Variants in UCHL5 observed in about 807,000 individuals in gnomAD.
UCHL5 encodes ubiquitin C-terminal hydrolase L5, also known as ubiquitin carboxyl-terminal hydrolase isozyme L5.
UCHL5 carries 34 observed loss-of-function variants against 53.8 expected under a neutral mutation model. The observed-to-expected ratio is 0.63, with a 90% CI of 0.48 to 0.84. The LOEUF (loss-of-function observed/expected upper bound fraction) is 0.84. UCHL5 is among the 40% of genes least tolerant of loss of function. The pLI is 0.00. For synonymous variants in UCHL5, 111 were observed against 126.3 expected (o/e 0.88, Z 0.81); for missense variants, 290 against 385.6 (o/e 0.75, Z 2.08).
intron 7 of UCHL5, 108 bp from the exon 8 acceptor site, chr1:193,024,054 T>C: frequency 1.2e-6 from 1 of 804,270 alleles, no homozygotes; most frequent in Non-Finnish European, 1.9e-6. Flanking sequence ...TAAACAAAAG[T>C]CTATCAATTG....
intron 1 of UCHL5, among the ~76,000 whole-genome samples, chr1:193,054,419 T>C (rs377624705): frequency 1.4e-4 from 21 of 152,108 alleles, no homozygotes; most frequent in African/African-American, 4.8e-4. Context: ...CAAAAAACAC[T>C]CCCATATGTC....
intron 3 of UCHL5, 37 bp from the exon 4 acceptor site, chr1:193,029,694 A>G (rs1356392677): frequency 6.6e-7 from 1 of 1,512,878 alleles, no homozygotes. Context: ...AATGTGTTTA[A>G]AAAAATAAAA....
rs200951342 is a variant in UCHL5, at chr1:193,043,151, T to TAAAAAAAAAAAAAAAAA, written c.246+6578_246+6594dup. ...TGGAGCCTTGACAGCTCTTGAATATTAAAAAAAAAAAAAAAAAAAAAAAAA... is the reference window on the plus strand; with the variant it reads ...TGGAGCCTTGACAGCTCTTGAATATTAAAAAAAAAAAAAAAAAAAAAAAAAAAAAAAAAAAAAAAAAA... On this transcript the variant is annotated intron_variant, in intron 3 of 10. Coordinates refer to ENST00000367454, the MANE Select transcript of UCHL5 (RefSeq NM_001199261.3). Among the ~76,000 whole-genome samples, 23 of 36,368 alleles carry TAAAAAAAAAAAAAAAAA rather than the reference T, an allele frequency of 6.3e-4. 1 individual carries two copies. Among genetic ancestry groups the TAAAAAAAAAAAAAAAAA allele is most frequent in the African/African-American group, 1.7e-3 (21 of 12,058 alleles). The allele number at this position is 36,368 out of a possible 152,430, so 23.9% of individuals were successfully genotyped here.
chr1:193,027,610 G>C (rs1410710626), intron 7 of UCHL5, among the ~76,000 whole-genome samples: 2 of 152,212 alleles, frequency 1.3e-5, no homozygotes, highest in East Asian at 3.9e-4. Flanking sequence ...GCTTGAACTC[G>C]GGAGGCAGAG....
upstream of UCHL5, chr1:193,059,434 G>C: frequency 6.2e-7 from 1 of 1,610,758 alleles, no homozygotes; most frequent in Non-Finnish European, 8.5e-7. The surrounding 1 kb of genome is among the most constrained non-coding windows in gnomAD (Gnocchi z 4.9). Context: ...CTGAGCGCGG[G>C]AGGACGCTCT....
chr1:193,044,871 C>T (rs1381631785), intron 3 of UCHL5, among the ~76,000 whole-genome samples: 2 of 152,044 alleles, frequency 1.3e-5, no homozygotes, highest in East Asian at 3.8e-4. Context: ...AATTATTGAC[C>T]TGTCAGTTTA....
chr1:193,012,339 T>C lies in UCHL5; in HGVS notation c.*4012A>G, dbSNP rs886416273. 2.6e-5 allele frequency: 4 copies of C among 152,224 alleles called. No homozygotes were observed. Among genetic ancestry groups the C allele is most frequent in the Non-Finnish European group, 5.9e-5 (4 of 68,034 alleles). The allele number at this position is 152,224 out of a possible 1,614,324, so 9.4% of individuals were successfully genotyped here. A position where few individuals can be genotyped will look rare whatever the true frequency, so the allele number is the denominator to read the frequency against. On this transcript the variant is annotated 3_prime_UTR_variant, in exon 11 of 11. Transcript: ENST00000367454. The stretch of plus-strand genomic sequence containing the variant: ...AAGCATATTACATAAAATATATGGA[T>C]AAGCTAAAAAGTAAATAGAGCAGTA...
intron 3 of UCHL5, among the ~76,000 whole-genome samples, chr1:193,043,922 A>T (rs1666540836): frequency 6.6e-6 from 1 of 152,186 alleles, no homozygotes; most frequent in Admixed American, 6.5e-5. Flanking sequence ...CCCTTGGCTA[A>T]TTTTAATCTA....
At chr1:193,039,817 G>A (rs1664899984) in intron 3 of UCHL5, among the ~76,000 whole-genome samples, 3 of 152,120 alleles carry the variant, frequency 2.0e-5, no homozygotes, top group Admixed American at 2.0e-4. Context: ...CAATGGAACA[G>A]AATAGAGAAT....
intron 3 of UCHL5, among the ~76,000 whole-genome samples, chr1:193,047,162 C>CTAT (rs775338551): frequency 1.3e-5 from 2 of 151,828 alleles, no homozygotes; most frequent in African/African-American, 2.4e-5. Context: ...TGTATTATTA[C>CTAT]TATTATTATT....
chr1:193,021,082 C>T lies in UCHL5; in HGVS notation c.942+15G>A. ...CTCTAAACTTAATTTAAGTATCTAC[C>T]AATAAAATACTTACCTTTTCTACTA... On this transcript the variant is annotated intron_variant, in intron 10 of 10. Coordinates refer to ENST00000367454, the MANE Select transcript of UCHL5 (RefSeq NM_001199261.3). 1 of 1,518,368 alleles carries T rather than the reference C, an allele frequency of 6.6e-7. No individual in the cohort carries two copies. Among genetic ancestry groups the T allele is most frequent in the South Asian group, 1.1e-5 (1 of 87,114 alleles). The allele number at this position is 1,518,368 out of a possible 1,614,324, so 94.1% of individuals were successfully genotyped here.
At chr1:193,018,699 G>T in intron 10 of UCHL5, 2 of 1,348,314 alleles carry the variant, frequency 1.5e-6, no homozygotes, top group Non-Finnish European at 9.6e-7. Context: ...AACTGCCTCA[G>T]CTATTCAAAA....
chr1:193,022,653 G>A (rs10921304), intron 9 of UCHL5, among the ~76,000 whole-genome samples: 97,450 of 141,010 alleles, frequency 0.69, 34,128 homozygotes, highest in Middle Eastern at 0.76. Context: ...GCGACAGAGC[G>A]AGACTCTGTC....
chr1:193,052,854 T>C (rs930423187), intron 1 of UCHL5, among the ~76,000 whole-genome samples: 1 of 152,188 alleles, frequency 6.6e-6, no homozygotes, highest in African/African-American at 2.4e-5. Context: ...GCCAGAAACC[T>C]AATTAAAACC....
intron 3 of UCHL5, among the ~76,000 whole-genome samples, chr1:193,033,027 G>A (rs1477287931): frequency 1.3e-5 from 2 of 152,144 alleles, no homozygotes; most frequent in Non-Finnish European, 2.9e-5. Flanking sequence ...CCATTACTGG[G>A]TATATACCCA....
At chr1:193,056,706 T>C (rs1168190049) in intron 1 of UCHL5, among the ~76,000 whole-genome samples, 1 of 152,212 alleles carries the variant, frequency 6.6e-6, no homozygotes, top group Non-Finnish European at 1.5e-5. Flanking sequence ...ACTTTTGAAA[T>C]GAATTTATGA....
rs1404672046 is a variant in UCHL5, at chr1:193,029,548, T to C, written c.356A>G (p.Gln119Arg). ...TGTACTCACAGCTGCATCAAAACTTTGTGAAAATTCTTTAAACTCTGATAA... is the reference window on the plus strand; with the variant it reads ...TGTACTCACAGCTGCATCAAAACTTCGTGAAAATTCTTTAAACTCTGATAA... ...ETLSEFKEFS[Q>R]SFDAAMKGLA... The change falls in exon 4 of 11, where the codon CAA becomes CGA. Residue 119 changes from glutamine to arginine, a missense_variant. Physicochemically the swap from Gln to Arg is conservative, Grantham distance 43 (BLOSUM62 1). Transcript: ENST00000367454. 2.5e-6 allele frequency: 4 copies of C among 1,613,562 alleles called. No individual in the cohort carries two copies. The East Asian group carries it at 8.9e-5, about 36-fold the overall frequency.
At chr1:193,028,741 T>C (rs1425588941) in intron 6 of UCHL5, among the ~76,000 whole-genome samples, 1 of 152,014 alleles carries the variant, frequency 6.6e-6, no homozygotes, top group African/African-American at 2.4e-5. Context: ...ACTATTTAAA[T>C]AGAGAAATTT....
chr1:193,028,925 T>C (rs1333897933), intron 6 of UCHL5, among the ~76,000 whole-genome samples: 2 of 152,118 alleles, frequency 1.3e-5, no homozygotes, highest in Non-Finnish European at 2.9e-5. Context: ...GAAAATAAAA[T>C]ATAAATTATG....
Sources: allele counts gnomAD v4.1 joint callset (sites outside exome capture counted in the v4.1 genomes callset), GRCh38; gene constraint gnomAD v4.1.1; non-coding constraint Gnocchi (gnomAD v3.1); transcripts MANE v1.5; gene names NCBI Gene and HGNC (gene_info 2026-07-23, HGNC 2026-07-21).